PTPN4: variants seen among roughly 807,000 people sequenced by gnomAD.
The protein encoded by PTPN4 is protein tyrosine phosphatase non-receptor type 4.
A neutral mutation model predicts 135.5 loss-of-function variants in PTPN4; 49 were observed. That is an observed-to-expected ratio of 0.36 (90% CI 0.29 to 0.46). The LOEUF (loss-of-function observed/expected upper bound fraction) is 0.46, where lower values mean the gene tolerates loss of function less well. Among genes scored for constraint, PTPN4 ranks in the 20% least tolerant of loss-of-function variants. The pLI is 1.00. For synonymous variants in PTPN4, 333 were observed against 369.9 expected (o/e 0.90, Z 1.14); for missense variants, 860 against 1,101.0 (o/e 0.78, Z 3.10).
At chr2:119,844,142 G>C (rs1490212769) in intron 2 of PTPN4, among the ~76,000 whole-genome samples, 1 of 85,334 alleles carries the variant, frequency 1.2e-5, no homozygotes, top group Non-Finnish European at 2.4e-5. Context: ...GCGGCTGGCC[G>C]GGCGGGGGGC....
chr2:119,895,735 C>T (rs2105011737), intron 9 of PTPN4, among the ~76,000 whole-genome samples: 1 of 152,094 alleles, frequency 6.6e-6, no homozygotes, highest in South Asian at 2.1e-4. Flanking sequence ...TCCTGGCTAA[C>T]ACGGTGAAAC....
intron 22 of PTPN4, among the ~76,000 whole-genome samples, chr2:119,957,897 A>G (rs75777648): frequency 0.023 from 3,526 of 152,258 alleles, 129 homozygotes; most frequent in African/African-American, 0.077. Context: ...TTAAAGTGGA[A>G]TTATGAAATT....
intron 9 of PTPN4, among the ~76,000 whole-genome samples, chr2:119,897,380 T>TG (rs1219911231): frequency 2.0e-5 from 3 of 152,206 alleles, no homozygotes; most frequent in Admixed American, 2.0e-4. Context: ...AATCTCAGTG[T>TG]GGGTGCTAAG....
At chr2:119,949,047 T>G (rs1215681849) in intron 18 of PTPN4, among the ~76,000 whole-genome samples, 1 of 152,180 alleles carries the variant, frequency 6.6e-6, no homozygotes, top group East Asian at 1.9e-4. Context: ...TTCTGAGCAA[T>G]GAATATGGAT....
chr2:119,801,759 G>A (rs903084293), intron 1 of PTPN4, among the ~76,000 whole-genome samples: 3 of 152,054 alleles, frequency 2.0e-5, no homozygotes, highest in Non-Finnish European at 4.4e-5. Flanking sequence ...GGGTGACCTC[G>A]CTGAACTTAC....
intron 1 of PTPN4, among the ~76,000 whole-genome samples, chr2:119,779,252 A>G (rs1479034856): frequency 6.6e-6 from 1 of 152,226 alleles, no homozygotes; most frequent in African/African-American, 2.4e-5. Context: ...TTACATACAA[A>G]ACATTGTGTA....
chr2:119,876,489 A>G (rs1235689634), intron 3 of PTPN4, among the ~76,000 whole-genome samples: 3 of 152,270 alleles, frequency 2.0e-5, no homozygotes, highest in South Asian at 2.1e-4. Flanking sequence ...TTAAAAATCT[A>G]TGTGTTCTGC....
At chr2:119,848,726 G>A (rs537859295) in intron 2 of PTPN4, among the ~76,000 whole-genome samples, 1 of 152,076 alleles carries the variant, frequency 6.6e-6, no homozygotes, top group African/African-American at 2.4e-5. Flanking sequence ...TCAGCCTCCT[G>A]AGTAGCTGGG....
At chr2:119,812,341 CAAG>C (rs772009613) in intron 2 of PTPN4, among the ~76,000 whole-genome samples, 2 of 152,102 alleles carry the variant, frequency 1.3e-5, no homozygotes, top group East Asian at 1.9e-4. Flanking sequence ...CTCTGTTCAC[CAAG>C]AAGGAGAACT....
intron 9 of PTPN4, among the ~76,000 whole-genome samples, chr2:119,899,747 G>A (rs1048723398): frequency 6.6e-6 from 1 of 152,040 alleles, no homozygotes; most frequent in Non-Finnish European, 1.5e-5. Context: ...TGATAATAGT[G>A]TACTAAAATA....
At chr2:119,927,894 G>GT (rs995549899) in intron 13 of PTPN4, among the ~76,000 whole-genome samples, 3 of 151,984 alleles carry the variant, frequency 2.0e-5, no homozygotes, top group Non-Finnish European at 4.4e-5. Context: ...TGTGTTCTTG[G>GT]TTTTTTTCTT....
intron 2 of PTPN4, among the ~76,000 whole-genome samples, chr2:119,820,240 A>G (rs17667952): frequency 0.087 from 13,269 of 152,246 alleles, 728 homozygotes; most frequent in Middle Eastern, 0.18. Context: ...TTTTGCCATC[A>G]TAGTGCTTTG....
At chr2:119,923,358 C>A (rs1042752309) in intron 12 of PTPN4, among the ~76,000 whole-genome samples, 2 of 152,134 alleles carry the variant, frequency 1.3e-5, no homozygotes, top group African/African-American at 4.8e-5. Flanking sequence ...GGTGACAGAG[C>A]AAGACCCTGT....
intron 1 of PTPN4, among the ~76,000 whole-genome samples, chr2:119,760,733 C>CTTTTTTTTTTTTTTTTT (rs59953430): frequency 7.5e-5 from 6 of 79,920 alleles, no homozygotes; most frequent in African/African-American, 2.5e-4. Flanking sequence ...GGTAGAATTC[C>CTTTTTTTTTTTTTTTTT]TTTTTTTTTT....
chr2:119,951,500 G>T (rs1679210414), intron 18 of PTPN4, among the ~76,000 whole-genome samples: 1 of 152,278 alleles, frequency 6.6e-6, no homozygotes, highest in Admixed American at 6.5e-5. Flanking sequence ...TCAGACTTTG[G>T]AAGAACTGAT....
intron 10 of PTPN4, among the ~76,000 whole-genome samples, chr2:119,904,605 A>G (rs987185984): frequency 2.0e-5 from 3 of 152,220 alleles, no homozygotes; most frequent in South Asian, 2.1e-4. Context: ...TTCATAGTCA[A>G]ATTTTTAAAA....
At chr2:119,761,033 C>T (rs1690482736) in intron 1 of PTPN4, among the ~76,000 whole-genome samples, 1 of 152,136 alleles carries the variant, frequency 6.6e-6, no homozygotes, top group Non-Finnish European at 1.5e-5. Context: ...CATGTAGTGA[C>T]ATCAGTATGT....
chr2:119,962,917 C>A (rs543108805), intron 24 of PTPN4, among the ~76,000 whole-genome samples, 173 bp downstream of exon 24: 1 of 152,146 alleles, frequency 6.6e-6, no homozygotes, highest in Non-Finnish European at 1.5e-5. Context: ...TTATCCTATT[C>A]TATTATAAAA....
intron 1 of PTPN4, among the ~76,000 whole-genome samples, chr2:119,781,995 AATTTTTTTT>A (rs1690948609): frequency 1.3e-5 from 2 of 152,350 alleles, no homozygotes; most frequent in African/African-American, 4.8e-5. Flanking sequence ...GGGAGAAAGG[AATTTTTTTT>A]AAATGTTGGA....
Sources: allele counts gnomAD v4.1 joint callset (sites outside exome capture counted in the v4.1 genomes callset), GRCh38; gene constraint gnomAD v4.1.1; transcripts MANE v1.5; gene names NCBI Gene and HGNC (gene_info 2026-07-23, HGNC 2026-07-21).